The following FBXO15 variants were observed in gnomAD, a reference collection of about 807,000 sequenced individuals.
FBXO15 encodes F-box only protein 15.
FBXO15 carries 30 observed loss-of-function variants against 49.5 expected under a neutral mutation model. That is an observed-to-expected ratio of 0.61 (90% confidence interval 0.45 to 0.82). FBXO15 has a LOEUF of 0.82. Among genes scored for constraint, FBXO15 ranks in the 40% least tolerant of loss-of-function variants. FBXO15 has a pLI of 0.00. For synonymous variants in FBXO15, 250 were observed against 232.7 expected (o/e 1.07, Z -0.68); for missense variants, 591 against 631.5 (o/e 0.94, Z 0.69).
At position 74,123,397 on chromosome 18, in the gene FBXO15, C is replaced by T. The variant is rs1176508593; in HGVS notation, c.1109G>A (p.Gly370Asp). Residue 370 changes from glycine to aspartate, a missense_variant, in exon 8 of 10, where the codon GGT becomes GAT. Physicochemically the swap from Gly to Asp is moderately conservative, Grantham distance 94 (BLOSUM62 -1). Transcript: ENST00000419743. ...LHSGGVFYLC[G>D]TFRNLFTKRG... is the part of the protein sequence containing the mutation. ...CTTGGTGAAGAGATTGCGAAATGTA[C>T]CACATAGGTAGAAAACCCCACCGCT... 6.2e-7 allele frequency: 1 copy of T among 1,613,140 alleles called. No homozygotes were observed. The highest frequency in any genetic ancestry group is 1.3e-5 in the African/African-American group (1 of 74,826).
At chr18:74,108,866 C>T (rs766800360) in intron 8 of FBXO15, among the ~76,000 whole-genome samples, 1 of 152,114 alleles carries the variant, frequency 6.6e-6, no homozygotes, top group Non-Finnish European at 1.5e-5. Context: ...CTGACTTTTC[C>T]TCAGAAACCA....
intron 8 of FBXO15, among the ~76,000 whole-genome samples, chr18:74,101,995 G>A (rs182200503): frequency 8.0e-4 from 121 of 152,116 alleles, no homozygotes; most frequent in African/African-American, 1.5e-3. Flanking sequence ...AACCTAAGGC[G>A]TGAAACTATA....
chr18:74,102,146 G>A (rs947459693), intron 8 of FBXO15, among the ~76,000 whole-genome samples: 10 of 151,860 alleles, frequency 6.6e-5, no homozygotes, highest in South Asian at 4.2e-4. Flanking sequence ...GCTTTTTCAC[G>A]GCAAAAGAAC....
chr18:74,108,562 A>G (rs1490676339), intron 8 of FBXO15, among the ~76,000 whole-genome samples: 1 of 152,074 alleles, frequency 6.6e-6, no homozygotes, highest in Admixed American at 6.6e-5. Flanking sequence ...TAACTACAAG[A>G]AAACCACAAA....
chr18:74,142,399 T>C (rs920630662), intron 1 of FBXO15, among the ~76,000 whole-genome samples: 2 of 152,216 alleles, frequency 1.3e-5, no homozygotes, highest in African/African-American at 4.8e-5. Flanking sequence ...CATTTCCTAA[T>C]TGCATTCGTC....
chr18:74,108,194 C>G (rs1250484122), intron 8 of FBXO15, among the ~76,000 whole-genome samples: 1 of 152,142 alleles, frequency 6.6e-6, no homozygotes, highest in Non-Finnish European at 1.5e-5. Context: ...GAGCAAGCGT[C>G]AGAACCAGAC....
chr18:74,135,702 T>C (rs1978672062), intron 3 of FBXO15, 60 bp downstream of exon 3: 2 of 1,345,860 alleles, frequency 1.5e-6, no homozygotes, highest in South Asian at 2.6e-5. Context: ...AAGTTACTAG[T>C]TTTCCTGACT....
intron 8 of FBXO15, among the ~76,000 whole-genome samples, chr18:74,088,844 G>A (rs1912873779): frequency 6.6e-6 from 1 of 152,120 alleles, no homozygotes; most frequent in African/African-American, 2.4e-5. Flanking sequence ...CAGCATGAAT[G>A]TTTTTCCATT....
chr18:74,107,650 G>C (rs1913830742), intron 8 of FBXO15, among the ~76,000 whole-genome samples: 1 of 152,180 alleles, frequency 6.6e-6, no homozygotes, highest in Non-Finnish European at 1.5e-5. Context: ...GTGTGGGCAA[G>C]TCTGAGAGTT....
intron 8 of FBXO15, among the ~76,000 whole-genome samples, chr18:74,096,218 G>A (rs1913266586): frequency 6.6e-6 from 1 of 152,116 alleles, no homozygotes; most frequent in Non-Finnish European, 1.5e-5. Flanking sequence ...AAAATGGAGA[G>A]GTGAGACTAT....
chr18:74,128,325 A>G (rs1167358988), intron 5 of FBXO15, among the ~76,000 whole-genome samples: 1 of 148,044 alleles, frequency 6.8e-6, no homozygotes, highest in Non-Finnish European at 1.5e-5. Context: ...GTCCCCAGTT[A>G]CAGAGCTGCA....
At chr18:74,125,582 G>A (rs181410226) in intron 6 of FBXO15, among the ~76,000 whole-genome samples, 3 of 152,302 alleles carry the variant, frequency 2.0e-5, no homozygotes, top group South Asian at 2.1e-4. Context: ...GGAGACAAGC[G>A]TGCTGAACAC....
chr18:74,126,979 T>C (rs1408674363), intron 5 of FBXO15, among the ~76,000 whole-genome samples: 1 of 152,218 alleles, frequency 6.6e-6, no homozygotes, highest in African/African-American at 2.4e-5. Context: ...ACCCAGCATA[T>C]GCAGAATACA....
chr18:74,115,945 G>A (rs929670282), intron 8 of FBXO15, among the ~76,000 whole-genome samples: 5 of 152,110 alleles, frequency 3.3e-5, no homozygotes, highest in Admixed American at 6.5e-5. Flanking sequence ...GTTTCAGAGT[G>A]GTTAACATCT....
chr18:74,083,297 C>G (rs1229402753), intron 8 of FBXO15, among the ~76,000 whole-genome samples: 1 of 152,232 alleles, frequency 6.6e-6, no homozygotes, highest in Non-Finnish European at 1.5e-5. Flanking sequence ...ACGGACCCTT[C>G]CCAGGCAACA....
At chr18:74,138,281 A>G (rs958804864) in intron 2 of FBXO15, among the ~76,000 whole-genome samples, 1 of 152,170 alleles carries the variant, frequency 6.6e-6, no homozygotes, top group Admixed American at 6.5e-5. Flanking sequence ...TCCAGTGTGG[A>G]ATAGAACACA....
intron 8 of FBXO15, among the ~76,000 whole-genome samples, chr18:74,122,261 G>A (rs765529480): frequency 6.6e-6 from 1 of 152,188 alleles, no homozygotes; most frequent in Non-Finnish European, 1.5e-5. Context: ...CCTTATCAGT[G>A]GGCCAGCCAT....
intron 2 of FBXO15, among the ~76,000 whole-genome samples, chr18:74,138,961 T>C (rs981783146): frequency 6.6e-6 from 1 of 152,156 alleles, no homozygotes; most frequent in Non-Finnish European, 1.5e-5. Flanking sequence ...TTTGGGAAAC[T>C]ACATGGCATC....
rs112519416 is a variant in FBXO15 at position 74,111,288 on chromosome 18, A to C, written c.1138+12080T>G. 2.2e-3 allele frequency among the ~76,000 whole-genome samples: 339 copies of C among 151,774 alleles called. 1 individual carries two copies. The highest frequency in any genetic ancestry group is 7.8e-3 in the African/African-American group (325 of 41,440). Reference sequence around the variant, plus strand: ...AAAAAAAAAAAAAAAAGAAAAAAAAACATAAAACACACCTTAACAAATTTA... The same window carrying C: ...AAAAAAAAAAAAAAAAGAAAAAAAACCATAAAACACACCTTAACAAATTTA... On this transcript the variant is annotated intron_variant, in intron 8 of 9. Coordinates refer to ENST00000419743, the MANE Select transcript of FBXO15 (RefSeq NM_001142958.2).
Sources: allele counts gnomAD v4.1 joint callset (sites outside exome capture counted in the v4.1 genomes callset), GRCh38; gene constraint gnomAD v4.1.1; transcripts MANE v1.5; gene names NCBI Gene and HGNC (gene_info 2026-07-23, HGNC 2026-07-21).